Variants in ZDHHC7 observed in about 807,000 individuals in gnomAD.
The protein encoded by ZDHHC7 is zDHHC palmitoyltransferase 7, also known as palmitoyltransferase ZDHHC7.
ZDHHC7 carries 12 observed loss-of-function variants against 34.1 expected under a neutral mutation model. The ratio of observed to expected loss-of-function variants is 0.35; its 90% CI spans 0.23 to 0.57. The LOEUF (loss-of-function observed/expected upper bound fraction) is 0.57, where lower values mean the gene tolerates loss of function less well. ZDHHC7 is among the 20% of genes least tolerant of loss of function. The pLI is 0.84. For synonymous variants in ZDHHC7, 185 were observed against 155.4 expected (o/e 1.19, Z -1.42); for missense variants, 388 against 402.7 (o/e 0.96, Z 0.31).
At chr16:84,989,230 C>T (rs1256536750) in intron 3 of ZDHHC7, among the ~76,000 whole-genome samples, 2 of 152,202 alleles carry the variant, frequency 1.3e-5, no homozygotes, top group East Asian at 3.8e-4. Flanking sequence ...TCTGGTTGGG[C>T]CTATAATACT....
At chr16:85,008,296 C>T (rs2072744311) in intron 1 of ZDHHC7, among the ~76,000 whole-genome samples, 1 of 152,008 alleles carries the variant, frequency 6.6e-6, no homozygotes, top group Admixed American at 6.5e-5. Context: ...ATCATGCCTG[C>T]ATAATGGGGC....
the ZDHHC7 span, among the ~76,000 whole-genome samples, chr16:85,026,338 A>T: frequency 6.6e-6 from 1 of 151,822 alleles, no homozygotes; most frequent in African/African-American, 2.4e-5. Context: ...AAGCGTACCC[A>T]CTCGCCTGTA....
chr16:84,989,409 G>C (rs1294938610), intron 3 of ZDHHC7, among the ~76,000 whole-genome samples: 2 of 152,208 alleles, frequency 1.3e-5, no homozygotes, highest in African/African-American at 4.8e-5. Context: ...TCAAAAAAGA[G>C]TCCTGGTCAG....
intron 3 of ZDHHC7, among the ~76,000 whole-genome samples, chr16:84,982,548 C>T (rs2072384511): frequency 6.6e-6 from 1 of 152,190 alleles, no homozygotes; most frequent in African/African-American, 2.4e-5. Context: ...AGGGAGGTGA[C>T]TGATAAGCAC....
chr16:84,998,158 G>C (rs1450265227), intron 1 of ZDHHC7, among the ~76,000 whole-genome samples: 12 of 151,530 alleles, frequency 7.9e-5, no homozygotes, highest in Non-Finnish European at 1.8e-4. Flanking sequence ...CAGCTACTCG[G>C]GAGGCTGAGA....
At chr16:85,017,452 G>A in the ZDHHC7 span, among the ~76,000 whole-genome samples, 9 of 152,142 alleles carry the variant, frequency 5.9e-5, no homozygotes, top group Non-Finnish European at 1.3e-4. Flanking sequence ...AGGAGGAGCT[G>A]CTCAAACTGA....
At chr16:84,995,248 T>C (rs2072561484) in intron 2 of ZDHHC7, among the ~76,000 whole-genome samples, 2 of 152,206 alleles carry the variant, frequency 1.3e-5, no homozygotes, top group African/African-American at 4.8e-5. Context: ...TTTCTCGGCA[T>C]GTTAAATAAA....
rs2143640477 is a variant in ZDHHC7 at position 84,990,378 on chromosome 16, CCA to C, written c.239_240del (p.Val80GlyfsTer7). 1 of 1,614,128 alleles carries C rather than the reference CCA, an allele frequency of 6.2e-7. No homozygotes were observed. Among genetic ancestry groups the C allele is most frequent in the Non-Finnish European group, 8.5e-7 (1 of 1,180,036 alleles). ...LLPSKDFWYS[V>X]VNGVIFNCLA... ...AAGCAGTTAAAGATGACCCCGTTGA[CCA>C]CAGAGTACCAGAAGTCTTTGGAAGG... On this transcript the variant is annotated frameshift_variant, in exon 3 of 8. Transcript: ENST00000313732. LOFTEE classifies it high-confidence loss of function.
rs573247280 is a variant in ZDHHC7, at chr16:85,003,210, A to G, written c.-103-7203T>C. Among the ~76,000 whole-genome samples the G allele has an allele frequency of 3.9e-5, 6 of 152,244 alleles. No homozygotes were observed. The East Asian group carries it at 9.7e-4, about 25-fold the overall frequency. Reference sequence around the variant, plus strand: ...GGGCACTGAGGGCCCGAGGAGCCTGAGAAACAGACTCAGAGGAAGTGAGGG... The same window carrying G: ...GGGCACTGAGGGCCCGAGGAGCCTGGGAAACAGACTCAGAGGAAGTGAGGG... On this transcript the variant is annotated intron_variant, in intron 1 of 7. Transcript: ENST00000313732.
the ZDHHC7 span, among the ~76,000 whole-genome samples, chr16:85,019,809 T>A: frequency 6.6e-6 from 1 of 152,178 alleles, no homozygotes; most frequent in African/African-American, 2.4e-5. Flanking sequence ...TGGTCCCTTT[T>A]CTAGACAAAC....
chr16:84,977,346 C>CTT, intron 6 of ZDHHC7, 121 bp from the exon 7 acceptor site: 1 of 1,303,818 alleles, frequency 7.7e-7, no homozygotes, highest in African/African-American at 1.5e-5. Context: ...AAGTTGTTCA[C>CTT]TTTCTAAATG....
At chr16:85,022,550 A>G in the ZDHHC7 span, among the ~76,000 whole-genome samples, 32,032 of 151,910 alleles carry the variant, frequency 0.21, 3,641 homozygotes, top group Admixed American at 0.29. Flanking sequence ...GAAGAAGACA[A>G]CTCAACATTT....
Position 84,974,949 on chromosome 16 carries a change from T to C in ZDHHC7, c.*1394A>G, listed in dbSNP as rs145985920. ...ACAGATGAACAGAAAGGCAAAACAA[T>C]TCCCAGGAGGGAGACGCCAACTTCT... On this transcript the variant is annotated 3_prime_UTR_variant, in exon 8 of 8. Transcript: ENST00000313732. 1.5e-4 allele frequency: 23 copies of C among 152,748 alleles called. No individual in the cohort carries two copies. The highest frequency in any genetic ancestry group is 5.5e-4 in the African/African-American group (23 of 41,568). 9.5% of individuals were successfully genotyped at this position (152,748 alleles called of 1,614,324 possible). A position where few individuals can be genotyped will look rare whatever the true frequency, so the allele number is the denominator to read the frequency against.
Position 85,011,408 on chromosome 16 carries a change from G to T in ZDHHC7, c.-226C>A. On this transcript the variant is annotated 5_prime_UTR_variant, in exon 1 of 8. Transcript: ENST00000313732. ...GCCGCGCTCATGGCCGGGCTGGAGC[G>T]GGCCCCGCGGCTCGGCTCGGCTTGG... is the stretch of plus-strand genomic sequence containing the variant. The T allele has an allele frequency of 6.5e-6, 1 of 152,750 alleles. No homozygotes were observed. Among genetic ancestry groups the T allele is most frequent in the South Asian group, 1.8e-4 (1 of 5,492 alleles). 9.5% of individuals were successfully genotyped at this position (152,750 alleles called of 1,614,324 possible).
At chr16:84,992,634 G>C (rs9937190) in intron 2 of ZDHHC7, among the ~76,000 whole-genome samples, 7,344 of 152,176 alleles carry the variant, frequency 0.048, 445 homozygotes, top group African/African-American at 0.14. Context: ...TTTGCCATGA[G>C]GAGAAAATAC....
chr16:84,998,830 C>T (rs185043423), intron 1 of ZDHHC7, among the ~76,000 whole-genome samples: 4 of 151,300 alleles, frequency 2.6e-5, no homozygotes, highest in South Asian at 2.1e-4. Flanking sequence ...CTCGGCTCAC[C>T]GCAACTTCCG....
intron 3 of ZDHHC7, among the ~76,000 whole-genome samples, chr16:84,990,100 A>G (rs746860198): frequency 6.6e-6 from 1 of 152,182 alleles, no homozygotes; most frequent in Non-Finnish European, 1.5e-5. Flanking sequence ...GTCAGGAACT[A>G]GGGGTATTTC....
At chr16:85,023,346 G>A in the ZDHHC7 span, among the ~76,000 whole-genome samples, 1 of 152,120 alleles carries the variant, frequency 6.6e-6, no homozygotes, top group South Asian at 2.1e-4. Flanking sequence ...CGTATTTTTA[G>A]TAGAGACAGG....
chr16:84,989,393 T>A (rs1351893333), intron 3 of ZDHHC7, among the ~76,000 whole-genome samples: 1 of 152,134 alleles, frequency 6.6e-6, no homozygotes, highest in Non-Finnish European at 1.5e-5. Context: ...CCGTTTCAGT[T>A]TATTCTCAAA....
Sources: gnomAD v4.1 joint callset for allele counts (sites outside exome capture counted in the v4.1 genomes callset) on GRCh38, gnomAD v4.1.1 for gene constraint, MANE v1.5 for transcripts, NCBI Gene and HGNC (gene_info 2026-07-23, HGNC 2026-07-21) for gene names.